RNF212B: variants seen among roughly 807,000 people sequenced by gnomAD.
RNF212B encodes E3 ubiquitin-protein ligase RNF212B.
In RNF212B, 52 loss-of-function variants were observed where a neutral mutation model predicts 55.5. The ratio of observed to expected loss-of-function variants is 0.94; its 90% CI spans 0.75 to 1.18. The LOEUF (loss-of-function observed/expected upper bound fraction) is 1.18. RNF212B is among the 50% of genes most tolerant of loss of function. RNF212B has a pLI of 0.00. For synonymous variants in RNF212B, 99 were observed against 121.4 expected (o/e 0.82, Z 1.21); for missense variants, 289 against 350.4 (o/e 0.82, Z 1.40).
chr14:23,268,885 T>C, intron 11 of RNF212B, 39 bp from the exon 12 acceptor site: 1 of 1,524,326 alleles, frequency 6.6e-7, no homozygotes, highest in Non-Finnish European at 8.9e-7. Context: ...CTTCTCCAGT[T>C]CATGGATTAT....
intron 2 of RNF212B, among the ~76,000 whole-genome samples, chr14:23,203,756 G>A: frequency 6.6e-6 from 1 of 152,144 alleles, no homozygotes; most frequent in Non-Finnish European, 1.5e-5. Context: ...GGGATTACAG[G>A]CATGAGCCAC....
intron 11 of RNF212B, among the ~76,000 whole-genome samples, chr14:23,267,744 T>G (rs72684391): frequency 0.17 from 25,228 of 152,158 alleles, 2,475 homozygotes; most frequent in South Asian, 0.25. Context: ...AATTTTGTCT[T>G]AAAGTCTATT....
chr14:23,258,376 C>T, intron 4 of RNF212B, 173 bp from the exon 5 acceptor site: 1 of 350,958 alleles, frequency 2.8e-6, no homozygotes, highest in Non-Finnish European at 5.1e-6. Flanking sequence ...AGGCTAGTGT[C>T]CTGGAAATGA....
chr14:23,195,384 A>G (rs79690340), intron 2 of RNF212B, among the ~76,000 whole-genome samples: 2,469 of 152,278 alleles, frequency 0.016, 68 homozygotes, highest in African/African-American at 0.057. Context: ...CAGAGGAACC[A>G]AATGGAATTA....
intron 2 of RNF212B, among the ~76,000 whole-genome samples, chr14:23,242,130 A>AGAAAAAGAAAAC (rs1883643117): frequency 6.6e-6 from 1 of 151,106 alleles, no homozygotes; most frequent in Non-Finnish European, 1.5e-5. Context: ...AAAAAGAAAA[A>AGAAAAAGAAAAC]CCTTTAGTCC....
At chr14:23,248,463 A>C (rs1594930404) in intron 4 of RNF212B, among the ~76,000 whole-genome samples, 1 of 113,422 alleles carries the variant, frequency 8.8e-6, no homozygotes, top group African/African-American at 3.5e-5. Flanking sequence ...TTTTTTTGAG[A>C]CAGAGTCTTG....
intron 2 of RNF212B, among the ~76,000 whole-genome samples, chr14:23,196,886 C>G (rs57561951): frequency 0.1 from 15,764 of 152,140 alleles, 2,322 homozygotes; most frequent in African/African-American, 0.33. Context: ...ATTCCTGGCC[C>G]TAGAGTGTGT....
chr14:23,246,645 CT>C (rs1378916869), intron 4 of RNF212B, among the ~76,000 whole-genome samples: 1 of 152,102 alleles, frequency 6.6e-6, no homozygotes, highest in Non-Finnish European at 1.5e-5. Flanking sequence ...CCAGGCTGTT[CT>C]CAAACTCCTG....
intron 1 of RNF212B, among the ~76,000 whole-genome samples, chr14:23,189,252 C>G (rs558630483): frequency 1.3e-5 from 2 of 152,174 alleles, no homozygotes. Context: ...AAGAGAACTT[C>G]CCCATGCTCC....
chr14:23,229,951 G>A (rs935808916), intron 2 of RNF212B: 14 of 198,202 alleles, frequency 7.1e-5, no homozygotes, highest in Admixed American at 6.4e-4. Context: ...GCCATCTCGT[G>A]CACAATTCCT....
intron 4 of RNF212B, among the ~76,000 whole-genome samples, chr14:23,249,100 T>C (rs1388021735): frequency 6.6e-6 from 1 of 152,226 alleles, no homozygotes; most frequent in Non-Finnish European, 1.5e-5. Flanking sequence ...TGACCCTTGG[T>C]CTATTTTATG....
chr14:23,207,412 G>A (rs1392501753), intron 2 of RNF212B, among the ~76,000 whole-genome samples: 4 of 152,114 alleles, frequency 2.6e-5, no homozygotes, highest in East Asian at 1.9e-4. Flanking sequence ...GCCTTTCATC[G>A]TCATGGAAGG....
At chr14:23,255,023 T>G (rs1884721454) in intron 4 of RNF212B, among the ~76,000 whole-genome samples, 1 of 152,154 alleles carries the variant, frequency 6.6e-6, no homozygotes, top group South Asian at 2.1e-4. Context: ...TGCTGACAGT[T>G]CATCTGATCT....
chr14:23,247,038 G>C (rs1884034987), intron 4 of RNF212B, among the ~76,000 whole-genome samples: 1 of 151,938 alleles, frequency 6.6e-6, no homozygotes, highest in South Asian at 2.1e-4. Flanking sequence ...TACTCGGGAG[G>C]CTGAGGCAGG....
intron 2 of RNF212B, among the ~76,000 whole-genome samples, chr14:23,220,169 A>G (rs1881432239): frequency 6.7e-6 from 1 of 148,722 alleles, no homozygotes; most frequent in South Asian, 2.1e-4. Context: ...GGGCAACAAG[A>G]GCAAAACTGT....
chr14:23,203,278 T>C (rs553052733), intron 2 of RNF212B, among the ~76,000 whole-genome samples: 1 of 152,246 alleles, frequency 6.6e-6, no homozygotes, highest in African/African-American at 2.4e-5. Context: ...ACAATAATAG[T>C]CTCCAATCTC....
chr14:23,207,802 C>A (rs570510420), intron 2 of RNF212B, among the ~76,000 whole-genome samples: 1 of 152,198 alleles, frequency 6.6e-6, no homozygotes, highest in South Asian at 2.1e-4. Context: ...CCAAGGTGGT[C>A]GGGGTACAGC....
rs1885159341 is a variant in RNF212B at position 23,259,711 on chromosome 14, A to T, written c.345-173A>T. The T allele has an allele frequency of 7.0e-6, 3 of 426,216 alleles. No homozygotes were observed. The South Asian group carries it at 1.7e-4, about 25-fold the overall frequency. The allele number at this position is 426,216 out of a possible 1,614,324, so 26.4% of individuals were successfully genotyped here. On this transcript the variant is annotated intron_variant, in intron 5 of 14. Transcript: ENST00000430154. ...TTTTGTCCACCTAATTGTTCTCATT[A>T]TCAAAACCCTGCCATTAGTCTCCTT...
chr14:23,214,709 A>C (rs6573050), intron 2 of RNF212B, among the ~76,000 whole-genome samples: 99,564 of 151,236 alleles, frequency 0.66, 32,947 homozygotes, highest in Admixed American at 0.72. Context: ...GAAAACGGGC[A>C]TAACTAATGT....
Sources: allele counts gnomAD v4.1 joint callset (sites outside exome capture counted in the v4.1 genomes callset), GRCh38; gene constraint gnomAD v4.1.1; transcripts MANE v1.5; gene names NCBI Gene and HGNC (gene_info 2026-07-23, HGNC 2026-07-21).